The following SP4 variants were observed in gnomAD, a reference collection of about 807,000 sequenced individuals.
The protein encoded by SP4 is Sp4 transcription factor, also known as transcription factor Sp4.
In SP4, 19 loss-of-function variants were observed where a neutral mutation model predicts 72.8. The observed-to-expected ratio is 0.26, with a 90% CI of 0.18 to 0.38. The LOEUF is 0.38. Among genes scored for constraint, SP4 ranks in the 10% least tolerant of loss-of-function variants. The probability of loss-of-function intolerance (pLI) is 1.00; values close to 1 mark genes in which losing one functional copy is unlikely to be tolerated. For missense variants in SP4, 1,008 were observed against 926.3 expected, an observed-to-expected ratio of 1.09 and a Z score of -1.14; for synonymous variants, 395 against 333.1, an observed-to-expected ratio of 1.19 and a Z score of -2.02.
At chr7:21,453,559 C>T (rs1004907826) in intron 3 of SP4, among the ~76,000 whole-genome samples, 29 of 152,210 alleles carry the variant, frequency 1.9e-4, no homozygotes, top group Non-Finnish European at 8.8e-5. Context: ...CAATAACACA[C>T]TTACACAAAT....
At chr7:21,445,410 C>A (rs1783389550) in intron 3 of SP4, among the ~76,000 whole-genome samples, 1 of 152,148 alleles carries the variant, frequency 6.6e-6, no homozygotes, top group East Asian at 1.9e-4. Context: ...TGTTCTTTAG[C>A]TAATCCTGCA....
rs377728736 is a variant in SP4, at chr7:21,478,827, C to A, written c.1907+1520C>A. The stretch of plus-strand genomic sequence containing the variant: ...GCTCACGCCTGTAATCCCAGCACTT[C>A]GGGAGGCCAAGGCAGGTGGATCACC... On this transcript the variant is annotated intron_variant, in intron 4 of 5. Transcript: ENST00000222584. Among the ~76,000 whole-genome samples, 14 of 152,126 alleles carry A rather than the reference C, an allele frequency of 9.2e-5. 1 individual carries two copies. The highest frequency in any genetic ancestry group is 3.4e-4 in the African/African-American group (14 of 41,542).
intron 3 of SP4, among the ~76,000 whole-genome samples, chr7:21,436,513 T>A (rs1021685398): frequency 6.6e-6 from 1 of 152,238 alleles, no homozygotes; most frequent in East Asian, 1.9e-4. Context: ...GTGTTTTTAC[T>A]GTTTGAAGTG....
In SP4 at chr7:21,487,768, G is replaced by A. The variant is rs200411314; in HGVS notation, c.2107+5645G>A. On this transcript the variant is annotated intron_variant, in intron 5 of 5. Coordinates refer to ENST00000222584, the MANE Select transcript of SP4 (RefSeq NM_003112.5). ...GATGATGATGATGATGATGATGGTG[G>A]TGGTGGTGGTGGTGGTGGTGGTGGT... Among the ~76,000 whole-genome samples the A allele has an allele frequency of 8.7e-5, 6 of 68,644 alleles. No homozygotes were observed. The East Asian group carries it at 7.6e-3, about 87-fold the overall frequency. 45.0% of individuals were successfully genotyped at this position (68,644 alleles called of 152,430 possible). A position where few individuals can be genotyped will look rare whatever the true frequency, so the allele number is the denominator to read the frequency against.
chr7:21,453,126 G>C (rs930043600), intron 3 of SP4, among the ~76,000 whole-genome samples: 2 of 152,106 alleles, frequency 1.3e-5, no homozygotes, highest in Admixed American at 6.5e-5. Flanking sequence ...TCTTGGCGTT[G>C]AAAAACAAAG....
At chr7:21,434,347 C>A (rs1264747464) in intron 3 of SP4, among the ~76,000 whole-genome samples, 1 of 152,150 alleles carries the variant, frequency 6.6e-6, no homozygotes, top group Non-Finnish European at 1.5e-5. Context: ...CAAGGTAAAT[C>A]TAATGAAACC....
chr7:21,510,993 A>C (rs1562634836), intron 5 of SP4, 29 bp from the exon 6 acceptor site: 1 of 1,576,762 alleles, frequency 6.3e-7, no homozygotes, highest in East Asian at 2.3e-5. Flanking sequence ...CAAAATGTGT[A>C]TAACGCCATT....
chr7:21,430,895 T>C (rs39304), intron 3 of SP4, 52 bp downstream of exon 3: 317,465 of 1,338,444 alleles, frequency 0.24, 39,686 homozygotes, highest in Middle Eastern at 0.39. Flanking sequence ...TCATAACAAT[T>C]ATTGCTTTTC....
At chr7:21,468,113 C>T (rs1306271797) in intron 3 of SP4, among the ~76,000 whole-genome samples, 1 of 152,082 alleles carries the variant, frequency 6.6e-6, no homozygotes, top group African/African-American at 2.4e-5. Flanking sequence ...AAATAAGGCA[C>T]AGTTGGATTA....
rs1170261747 is a variant in SP4, at chr7:21,445,979, CTT to C, written c.1678+15137_1678+15138del. Among the ~76,000 whole-genome samples the C allele has an allele frequency of 9.6e-3, 1,239 of 129,542 alleles. 17 individuals carry two copies. The highest frequency in any genetic ancestry group is 0.036 in the African/African-American group (1,167 of 32,798). The allele number at this position is 129,542 out of a possible 152,430, so 85.0% of individuals were successfully genotyped here. A position where few individuals can be genotyped will look rare whatever the true frequency, so the allele number is the denominator to read the frequency against. ...ATATGATCGAGTTCATTTTGTGTATCTTATGTGTATGTGTGTGTGTGTGTGTG... is the reference window on the plus strand; with the variant it reads ...ATATGATCGAGTTCATTTTGTGTATCATGTGTATGTGTGTGTGTGTGTGTG... On this transcript the variant is annotated intron_variant, in intron 3 of 5. Coordinates refer to ENST00000222584, the MANE Select transcript of SP4 (RefSeq NM_003112.5).
chr7:21,429,980 A>G lies in SP4; in HGVS notation c.815A>G (p.Asn272Ser), dbSNP rs1412673043. The change falls in exon 3 of 6, where the codon AAC becomes AGC. Residue 272 changes from asparagine (N) to serine (S), a missense_variant. Transcript: ENST00000222584. ...GTGACTCTAGCTTTGCCAGTGATAA[A>G]CAACGTGGCTGCCGGAGGAGGGACT... The part of the protein sequence containing the change: ...GGVTLALPVI[N>S]NVAAGGGTGQ... 7.4e-6 allele frequency: 12 copies of G among 1,614,174 alleles called. No individual in the cohort carries two copies. The highest frequency in any genetic ancestry group is 1.0e-5 in the Non-Finnish European group (12 of 1,180,036).
intron 3 of SP4, among the ~76,000 whole-genome samples, chr7:21,437,637 A>T (rs1201364171): frequency 1.3e-5 from 2 of 152,192 alleles, no homozygotes; most frequent in Non-Finnish European, 2.9e-5. Context: ...GGTGGGCCAG[A>T]ATTAGTAAGA....
At position 21,509,649 on chromosome 7, in the gene SP4, T is replaced by C. The variant is rs115382286; in HGVS notation, c.2108-1373T>C. On this transcript the variant is annotated intron_variant, in intron 5 of 5. Coordinates refer to ENST00000222584, the MANE Select transcript of SP4 (RefSeq NM_003112.5). The stretch of plus-strand genomic sequence containing the variant: ...TAACAATAATAAGGAAGACTAATGG[T>C]TTTTTCAAAGTTTACTCAAAAGTAA... Among the ~76,000 whole-genome samples, 1,428 of 152,204 alleles carry C rather than the reference T, an allele frequency of 9.4e-3. 27 individuals are homozygous for C. The highest frequency in any genetic ancestry group is 0.033 in the African/African-American group (1,377 of 41,508).
Position 21,479,779 on chromosome 7 carries a change from T to C in SP4, c.1908-2145T>C, listed in dbSNP as rs562480283. Among the ~76,000 whole-genome samples the C allele has an allele frequency of 5.3e-5, 8 of 152,356 alleles. No individual in the cohort carries two copies. The East Asian group carries it at 5.8e-4, about 11-fold the overall frequency. Reference sequence around the variant, plus strand: ...CTATGCACATGGGAAGTATTTCTGGTTGTTTAATCTTTAACTTCTTTCATC... The same window carrying C: ...CTATGCACATGGGAAGTATTTCTGGCTGTTTAATCTTTAACTTCTTTCATC... On this transcript the variant is annotated intron_variant, in intron 4 of 5. Coordinates refer to ENST00000222584, the MANE Select transcript of SP4 (RefSeq NM_003112.5).
chr7:21,431,784 C>T (rs1329059294), intron 3 of SP4, among the ~76,000 whole-genome samples: 1 of 152,108 alleles, frequency 6.6e-6, no homozygotes, highest in Non-Finnish European at 1.5e-5. Context: ...TGTTTTAGTG[C>T]CTTTGATACT....
intron 4 of SP4, among the ~76,000 whole-genome samples, chr7:21,481,593 AT>A (rs1209594253): frequency 6.6e-6 from 1 of 152,194 alleles, no homozygotes; most frequent in East Asian, 1.9e-4. Context: ...GGATTTAGCC[AT>A]CCTTTTGAAA....
At chr7:21,461,412 C>T (rs533838149) in intron 3 of SP4, among the ~76,000 whole-genome samples, 19 of 152,168 alleles carry the variant, frequency 1.2e-4, no homozygotes, top group East Asian at 3.9e-4. Context: ...GGCGAGAAAT[C>T]GAGCGCAGCG....
intron 3 of SP4, chr7:21,471,293 C>A: frequency 3.0e-6 from 1 of 336,880 alleles, no homozygotes; most frequent in East Asian, 7.9e-5. Flanking sequence ...TTAGAAGGGG[C>A]AAAACTGGTG....
intron 3 of SP4, among the ~76,000 whole-genome samples, chr7:21,432,224 G>A (rs1020574500): frequency 6.6e-6 from 1 of 152,096 alleles, no homozygotes; most frequent in Non-Finnish European, 1.5e-5. Context: ...TTTCCATTGC[G>A]GTACTTTTTC....
Sources: gnomAD v4.1 joint callset for allele counts (sites outside exome capture counted in the v4.1 genomes callset) on GRCh38, gnomAD v4.1.1 for gene constraint, MANE v1.5 for transcripts, NCBI Gene and HGNC (gene_info 2026-07-23, HGNC 2026-07-21) for gene names.